The following LILRB1 variants were observed in gnomAD, a reference collection of about 807,000 sequenced individuals.
LILRB1 encodes leukocyte immunoglobulin like receptor B1, also known as leukocyte immunoglobulin-like receptor subfamily B member 1.
In LILRB1, 59 loss-of-function variants were observed where a neutral mutation model predicts 74.6. The ratio of observed to expected loss-of-function variants is 0.79; its 90% confidence interval spans 0.64 to 0.98. LILRB1 has a LOEUF of 0.98. Among genes scored for constraint, LILRB1 ranks in the 50% least tolerant of loss-of-function variants. LILRB1 has a pLI of 0.00. For synonymous variants in LILRB1, 328 were observed against 333.9 expected, an observed-to-expected ratio of 0.98 and a Z score of 0.19; for missense variants, 804 against 822.6, an observed-to-expected ratio of 0.98 and a Z score of 0.28.
rs5828590 is a variant in LILRB1 at position 54,633,391 on chromosome 19, TG to T, written c.1261+76del. 1,711 of 1,539,522 alleles carry T rather than the reference TG, an allele frequency of 1.1e-3. 15 individuals are homozygous for T. In the African/African-American group the frequency reaches 0.02, roughly 18 times the overall value. On this transcript the variant is annotated intron_variant, in intron 7 of 14. Coordinates refer to ENST00000324602, the MANE Select transcript of LILRB1 (RefSeq NM_001081637.3). ...ACCCTGCCCCAGGAGAGCTCTGGGC[TG>T]GGATGGAGTGAGCGGGGGTCTGAGA...
chr19:54,628,204 A>G (rs553443239), upstream of LILRB1, among the ~76,000 whole-genome samples: 2 of 152,356 alleles, frequency 1.3e-5, no homozygotes, highest in Admixed American at 1.3e-4. Flanking sequence ...AACACCTTCA[A>G]ATAAGGAAGA....
chr19:54,633,043 C>T lies in LILRB1; in HGVS notation c.986C>T (p.Ser329Leu), dbSNP rs377585616. Reference sequence around the variant, plus strand: ...CAGTTCTATGACAGAGTCTCCCTCTCGGTGCAGCCGGGCCCCACGGTGGCC... The same window carrying T: ...CAGTTCTATGACAGAGTCTCCCTCTTGGTGCAGCCGGGCCCCACGGTGGCC... ...AGQFYDRVSLSVQPGPTVASG... is the reference protein window; with the variant it reads ...AGQFYDRVSLLVQPGPTVASG... Residue 329 changes from serine to leucine, a missense_variant, in exon 7 of 15, where the codon TCG (serine) becomes TTG (leucine). Coordinates refer to ENST00000324602, the MANE Select transcript of LILRB1 (RefSeq NM_001081637.3). 4.3e-5 allele frequency: 69 copies of T among 1,614,014 alleles called. No homozygotes were observed. The highest frequency in any genetic ancestry group is 4.5e-5 in the East Asian group (2 of 44,900).
At chr19:54,622,267 G>A (rs1341201047) in intron 1 of LILRB1, among the ~76,000 whole-genome samples, 1 of 152,150 alleles carries the variant, frequency 6.6e-6, no homozygotes, top group Non-Finnish European at 1.5e-5. Flanking sequence ...TGAATCTGTA[G>A]TATGCTTTGG....
intron 1 of LILRB1, among the ~76,000 whole-genome samples, chr19:54,618,978 A>G (rs567476518): frequency 6.6e-6 from 1 of 152,288 alleles, no homozygotes; most frequent in African/African-American, 2.4e-5. Flanking sequence ...TAAATAATAG[A>G]TATTAATTGA....
chr19:54,616,560 G>A (rs1650836332), upstream of LILRB1, among the ~76,000 whole-genome samples: 1 of 152,154 alleles, frequency 6.6e-6, no homozygotes, highest in Non-Finnish European at 1.5e-5. Flanking sequence ...GAAGTGGTAA[G>A]TCCTCCTGAG....
intron 1 of LILRB1, among the ~76,000 whole-genome samples, chr19:54,623,306 C>T (rs796263563): frequency 1.3e-4 from 20 of 152,018 alleles, no homozygotes; most frequent in African/African-American, 1.5e-4. Flanking sequence ...GCTTTTTTGC[C>T]GGAAGATTTT....
chr19:54,634,028 G>T lies in LILRB1; in HGVS notation c.1363+7G>T, dbSNP rs1432717700. ...GGGTCGGATCCCCAGAGTGGTGAGTGACGGGCTCTGAGTGGGAGGTGGGCA... is the reference window on the plus strand; with the variant it reads ...GGGTCGGATCCCCAGAGTGGTGAGTTACGGGCTCTGAGTGGGAGGTGGGCA... On this transcript the variant is annotated splice_region_variant and intron_variant, in intron 9 of 14. Transcript: ENST00000324602. The T allele has an allele frequency of 9.4e-6, 15 of 1,589,740 alleles. No homozygotes were observed. Among genetic ancestry groups the T allele is most frequent in the Non-Finnish European group, 1.3e-5 (15 of 1,167,594 alleles).
intron 9 of LILRB1, 71 bp downstream of exon 9, chr19:54,634,092 C>A: frequency 6.4e-7 from 1 of 1,552,018 alleles, no homozygotes; most frequent in Non-Finnish European, 8.7e-7. Context: ...GTCCTAGGTT[C>A]AGTCTCCTCT....
In LILRB1 at chr19:54,633,306, C is replaced by T; in HGVS notation, c.1249C>T (p.Leu417Phe). ...LLTHPSDPLE[L>F]VVSGPSGGPS... ...GACTCACCCCAGTGACCCCCTGGAG[C>T]TCGTGGTCTCAGGTGGGGGCCTTGA... Residue 417 changes from leucine to phenylalanine, a missense_variant, in exon 7 of 15, where the codon CTC (leucine) becomes TTC (phenylalanine). Physicochemically the swap from Leu to Phe is conservative, Grantham distance 22. Transcript: ENST00000324602. The T allele has an allele frequency of 6.2e-7, 1 of 1,613,872 alleles. No homozygotes were observed. The highest frequency in any genetic ancestry group is 8.5e-7 in the Non-Finnish European group (1 of 1,179,808).
chr19:54,632,735 C>T lies in LILRB1; in HGVS notation c.933C>T (p.Ser311=), dbSNP rs272423. Residue 311 remains serine, a synonymous_variant, in exon 6 of 15, where the codon AGC becomes AGT. Transcript: ENST00000324602. ...TCTCCTCCGAGTGGTCGGCCCCCAG[C>T]GACCCCCTGGACATCCTGATCGCAG... ...HNLSSEWSAP[S]DPLDILIAGQ... The T allele has an allele frequency of 0.65, 1,031,477 of 1,588,312 alleles. 334,761 individuals carry two copies. The highest frequency in any genetic ancestry group is 0.68 in the Middle Eastern group (3,072 of 4,504).
In LILRB1 at chr19:54,637,861, A is replaced by G. The variant is rs192960611; in HGVS notation, c.*983A>G. Among the ~76,000 whole-genome samples the G allele has an allele frequency of 1.8e-3, 278 of 152,380 alleles. 1 individual carries two copies. The highest frequency in any genetic ancestry group is 6.3e-3 in the African/African-American group (260 of 41,590). ...GGCGGCAAACCTATGCCAATATACT[A>G]GAAATTGCAGATTAAATAGATGAAA... On this transcript the variant is annotated 3_prime_UTR_variant, in exon 15 of 15. Transcript: ENST00000324602.
rs1397895435 is a variant in LILRB1 at position 54,631,607 on chromosome 19, CT to C, written c.179del (p.Leu60HisfsTer19). On this transcript the variant is annotated frameshift_variant, in exon 4 of 15. Transcript: ENST00000324602. LOFTEE classifies it high-confidence loss of function. ...GGGCCAGGAGACCCAGGAGTACCGT[CT>C]ATATAGAGAAAAGAAAACAGCACCC... ...QGGQETQEYR[L>X]YREKKTAPWI... 1 of 1,614,152 alleles carries C rather than the reference CT, an allele frequency of 6.2e-7. No individual in the cohort carries two copies. Among genetic ancestry groups the C allele is most frequent in the African/African-American group, 1.3e-5 (1 of 74,964 alleles).
rs556673672 is a variant in LILRB1, at chr19:54,635,745, C to T, written c.1653+136C>T. 855 of 1,043,688 alleles carry T rather than the reference C, an allele frequency of 8.2e-4. 6 individuals are homozygous for T. The highest frequency in any genetic ancestry group is 2.4e-3 in the Middle Eastern group (8 of 3,388). The allele number at this position is 1,043,688 out of a possible 1,614,324, so 64.7% of individuals were successfully genotyped here. On this transcript the variant is annotated intron_variant, in intron 13 of 14. Coordinates refer to ENST00000324602, the MANE Select transcript of LILRB1 (RefSeq NM_001081637.3). ...CCTCCTTGTCCAGCACGCTGCCTCCCGCCTGCTGCGACCTCACTCTCTCCT... is the reference window on the plus strand; with the variant it reads ...CCTCCTTGTCCAGCACGCTGCCTCCTGCCTGCTGCGACCTCACTCTCTCCT...
intron 7 of LILRB1, 125 bp downstream of exon 7, chr19:54,633,443 C>T (rs879826394): frequency 6.8e-5 from 93 of 1,365,890 alleles, no homozygotes; most frequent in Non-Finnish European, 9.1e-5. Context: ...GGAGACTCAC[C>T]CTCAGAGGGA....
At chr19:54,620,364 T>A (rs2063422956) in intron 1 of LILRB1, among the ~76,000 whole-genome samples, 1 of 151,620 alleles carries the variant, frequency 6.6e-6, no homozygotes, top group South Asian at 2.1e-4. Flanking sequence ...AATTCTTAAT[T>A]TTTTTTTTGA....
upstream of LILRB1, among the ~76,000 whole-genome samples, chr19:54,627,957 G>T (rs1334688352): frequency 6.6e-6 from 1 of 152,154 alleles, no homozygotes. Context: ...ATTTTCTGCA[G>T]CAAGGGTACA....
At position 54,633,614 on chromosome 19, in the gene LILRB1, G is replaced by T. The variant is rs113289394; in HGVS notation, c.1262-24G>T. On this transcript the variant is annotated intron_variant, in intron 7 of 14. Coordinates refer to ENST00000324602, the MANE Select transcript of LILRB1 (RefSeq NM_001081637.3). ...ACTTCAGGAAAGCCCCAGCTCCTCA[G>T]CCTCCTCTCATTCTTTTACCCAGGA... 4.4e-6 allele frequency: 7 copies of T among 1,609,008 alleles called. No homozygotes were observed. The African/African-American group carries it at 8.1e-5, about 19-fold the overall frequency.
chr19:54,621,133 CA>C (rs2063445570), intron 1 of LILRB1, among the ~76,000 whole-genome samples: 1 of 152,198 alleles, frequency 6.6e-6, no homozygotes, highest in South Asian at 2.1e-4. Context: ...CTTGGCCTCC[CA>C]AAGTGCTGGG....
At chr19:54,628,593 C>A (rs1394228986), upstream of LILRB1, among the ~76,000 whole-genome samples, 1 of 152,144 alleles carries the variant, frequency 6.6e-6, no homozygotes, top group African/African-American at 2.4e-5. Flanking sequence ...GCAGAGGACA[C>A]AGATGAAGAG....
Sources: allele counts gnomAD v4.1 joint callset (sites outside exome capture counted in the v4.1 genomes callset), GRCh38; gene constraint gnomAD v4.1.1; transcripts MANE v1.5; gene names NCBI Gene and HGNC (gene_info 2026-07-23, HGNC 2026-07-21).